Variants in SLC16A12 observed in about 807,000 individuals in gnomAD.
SLC16A12 encodes monocarboxylate transporter 12.
Under a neutral mutation model 42.4 loss-of-function variants are expected in SLC16A12, and 17 were observed. That is an observed-to-expected ratio of 0.40 (90% confidence interval 0.27 to 0.60). The LOEUF is 0.60. Ranked by LOEUF, SLC16A12 falls within the 20% of genes least tolerant of loss-of-function variation. SLC16A12 has a pLI of 0.42. For synonymous variants in SLC16A12, 224 were observed against 229.4 expected (o/e 0.98, Z 0.21); for missense variants, 544 against 623.0 (o/e 0.87, Z 1.35).
intron 2 of SLC16A12, among the ~76,000 whole-genome samples, chr10:89,551,738 C>T (rs1312220194): frequency 1.3e-5 from 2 of 152,170 alleles, no homozygotes; most frequent in Non-Finnish European, 2.9e-5. Flanking sequence ...TCTTCATTTT[C>T]TCTGGCCACC....
chr10:89,500,739 G>T (rs776871566), intron 2 of SLC16A12, among the ~76,000 whole-genome samples: 1 of 152,156 alleles, frequency 6.6e-6, no homozygotes, highest in Non-Finnish European at 1.5e-5. Context: ...ACTGGAACAA[G>T]GATGTCCACT....
chr10:89,531,910 T>C (rs532487502), intron 2 of SLC16A12, among the ~76,000 whole-genome samples: 1 of 152,346 alleles, frequency 6.6e-6, no homozygotes, highest in South Asian at 2.1e-4. Context: ...TCTTCTTCCT[T>C]TTAATTCCCA....
chr10:89,441,722 A>C (rs141920390), intron 4 of SLC16A12, among the ~76,000 whole-genome samples: 54 of 152,278 alleles, frequency 3.5e-4, no homozygotes, highest in African/African-American at 1.3e-3. Flanking sequence ...CAAATTCCAC[A>C]ATCTGGCCCA....
chr10:89,451,325 C>T (rs922142073), intron 3 of SLC16A12, among the ~76,000 whole-genome samples: 6 of 152,048 alleles, frequency 3.9e-5, no homozygotes, highest in Non-Finnish European at 7.4e-5. Context: ...TAGGCAGGGC[C>T]GGCTTCATGG....
intron 7 of SLC16A12, among the ~76,000 whole-genome samples, chr10:89,434,530 G>A (rs1032635174): frequency 6.6e-6 from 1 of 152,146 alleles, no homozygotes; most frequent in African/African-American, 2.4e-5. Flanking sequence ...ACTGAACAGG[G>A]TTTTGTCATC....
chr10:89,462,643 A>T lies in SLC16A12; in HGVS notation c.-46-19T>A. On this transcript the variant is annotated intron_variant, in intron 2 of 7. Coordinates refer to ENST00000371790, the MANE Select transcript of SLC16A12 (RefSeq NM_213606.4). The stretch of plus-strand genomic sequence containing the variant: ...TCGCCATCTAAAACCAAAAATCAGG[A>T]CATATTTATATCTTATTGCTATGTC... 6.6e-7 allele frequency: 1 copy of T among 1,526,520 alleles called. No homozygotes were observed. The highest frequency in any genetic ancestry group is 8.7e-7 in the Non-Finnish European group (1 of 1,144,312). The allele number at this position is 1,526,520 out of a possible 1,614,324, so 94.6% of individuals were successfully genotyped here.
chr10:89,496,222 GA>G lies in SLC16A12; in HGVS notation c.-46-33599del, dbSNP rs546684022. On this transcript the variant is annotated intron_variant, in intron 2 of 7. Transcript: ENST00000371790. ...CAAGGACATGAAAGAAAAATTCAAA[GA>G]AAAAAACTACAGTAAATATCTTCAG... 7.9e-5 allele frequency among the ~76,000 whole-genome samples: 12 copies of G among 151,176 alleles called. No homozygotes were observed. The South Asian group carries it at 1.3e-3, about 16-fold the overall frequency.
chr10:89,447,169 C>A lies in SLC16A12; in HGVS notation c.201-3310G>T, dbSNP rs796469896. ...CCACACAATAATAATGGGAGACTAA[C>A]GCCCCACTGTCAATATGAGACAGAT... On this transcript the variant is annotated intron_variant, in intron 3 of 7. Transcript: ENST00000371790. Among the ~76,000 whole-genome samples, 8 of 151,958 alleles carry A rather than the reference C, an allele frequency of 5.3e-5. No homozygotes were observed. The South Asian group carries it at 6.2e-4, about 12-fold the overall frequency.
intron 2 of SLC16A12, among the ~76,000 whole-genome samples, chr10:89,482,467 G>C (rs192445806): frequency 6.6e-6 from 1 of 152,272 alleles, no homozygotes; most frequent in African/African-American, 2.4e-5. Flanking sequence ...GTATAACCAA[G>C]GATGAGAAGT....
At chr10:89,522,499 A>G (rs78195547) in intron 2 of SLC16A12, among the ~76,000 whole-genome samples, 4,005 of 152,316 alleles carry the variant, frequency 0.026, 175 homozygotes, top group African/African-American at 0.09. Flanking sequence ...CAACTGGTAA[A>G]TCAAGTTTTA....
intron 3 of SLC16A12, among the ~76,000 whole-genome samples, chr10:89,452,412 A>G (rs10788644): frequency 0.37 from 55,977 of 152,068 alleles, 10,709 homozygotes; most frequent in African/African-American, 0.46. Context: ...ATAACATAAA[A>G]ATGTGTGGTC....
intron 3 of SLC16A12, among the ~76,000 whole-genome samples, chr10:89,456,494 G>A (rs1842192516): frequency 6.6e-6 from 1 of 151,962 alleles, no homozygotes; most frequent in African/African-American, 2.4e-5. Flanking sequence ...AGAATAGCCT[G>A]CAATTACACA....
intron 2 of SLC16A12, among the ~76,000 whole-genome samples, chr10:89,517,671 A>G (rs1003645643): frequency 1.3e-5 from 2 of 152,124 alleles, no homozygotes; most frequent in Non-Finnish European, 2.9e-5. Flanking sequence ...CTGTCTGGGC[A>G]TCTCTGAGAA....
At chr10:89,452,908 G>A (rs577193469) in intron 3 of SLC16A12, among the ~76,000 whole-genome samples, 2 of 152,366 alleles carry the variant, frequency 1.3e-5, no homozygotes, top group Admixed American at 1.3e-4. Context: ...GCTCTTGGGA[G>A]ACGCAGCTTT....
intron 2 of SLC16A12, among the ~76,000 whole-genome samples, chr10:89,488,063 A>G (rs1842790497): frequency 1.4e-5 from 2 of 147,918 alleles, no homozygotes; most frequent in East Asian, 3.9e-4. Flanking sequence ...AATACATATT[A>G]TTTATCTATA....
intron 3 of SLC16A12, among the ~76,000 whole-genome samples, chr10:89,449,095 A>G (rs141676193): frequency 0.01 from 1,571 of 152,336 alleles, 24 homozygotes; most frequent in African/African-American, 0.035. Flanking sequence ...CCACTGCTCA[A>G]CGAAATAAAA....
chr10:89,432,881 G>T lies in SLC16A12; in HGVS notation c.*183C>A. 1 of 819,536 alleles carries T rather than the reference G, an allele frequency of 1.2e-6. No individual in the cohort carries two copies. Among genetic ancestry groups the T allele is most frequent in the Non-Finnish European group, 1.8e-6 (1 of 547,148 alleles). 50.8% of individuals were successfully genotyped at this position (819,536 alleles called of 1,614,324 possible). A position where few individuals can be genotyped will look rare whatever the true frequency, so the allele number is the denominator to read the frequency against. On this transcript the variant is annotated 3_prime_UTR_variant, in exon 8 of 8. Coordinates refer to ENST00000371790, the MANE Select transcript of SLC16A12 (RefSeq NM_213606.4). ...CAAATCCCAAATGAGAAGGCTCTGG[G>T]CTAGTCCAGCTTTCCTTATTATGTG... is the stretch of plus-strand genomic sequence containing the variant.
chr10:89,515,720 C>A (rs1447340107), intron 2 of SLC16A12, among the ~76,000 whole-genome samples: 1 of 152,108 alleles, frequency 6.6e-6, no homozygotes, highest in Admixed American at 6.5e-5. Flanking sequence ...TGCAAGAGCA[C>A]CCCCTCACTC....
chr10:89,440,660 A>C (rs1256132213), intron 5 of SLC16A12, among the ~76,000 whole-genome samples: 1 of 151,974 alleles, frequency 6.6e-6, no homozygotes, highest in African/African-American at 2.4e-5. Flanking sequence ...GTAATATAAG[A>C]ATATTCACAA....
Sources: gnomAD v4.1 joint callset for allele counts (sites outside exome capture counted in the v4.1 genomes callset) on GRCh38, gnomAD v4.1.1 for gene constraint, MANE v1.5 for transcripts, NCBI Gene and HGNC (gene_info 2026-07-23, HGNC 2026-07-21) for gene names.